The following IQCM variants were observed in gnomAD, a reference collection of about 807,000 sequenced individuals.
IQCM encodes the protein IQ motif containing M.
Under a neutral mutation model 57.6 loss-of-function variants are expected in IQCM, and 45 were observed. The ratio of observed to expected loss-of-function variants is 0.78; its 90% CI spans 0.62 to 1.00. The LOEUF is 1.00. Ranked by LOEUF, IQCM falls within the 50% of genes least tolerant of loss-of-function variation. IQCM has a pLI of 0.00. For synonymous variants in IQCM, 148 were observed against 158.9 expected (o/e 0.93, Z 0.51); for missense variants, 468 against 511.6 (o/e 0.91, Z 0.82).
intron 12 of IQCM, among the ~76,000 whole-genome samples, chr4:149,444,689 A>C (rs541311539): frequency 3.3e-5 from 5 of 151,982 alleles, no homozygotes; most frequent in African/African-American, 4.8e-5. Context: ...TGAAAAAAAA[A>C]CAGATTAGCA....
chr4:149,620,946 A>T (rs1756280090), intron 8 of IQCM, among the ~76,000 whole-genome samples, 183 bp downstream of exon 8: 2 of 152,186 alleles, frequency 1.3e-5, no homozygotes, highest in Admixed American at 1.3e-4. Flanking sequence ...GATCAGCAAG[A>T]TTTACACAAG....
chr4:149,648,896 A>AT (rs1758901106), intron 7 of IQCM, among the ~76,000 whole-genome samples: 2 of 152,126 alleles, frequency 1.3e-5, no homozygotes, highest in South Asian at 4.1e-4. Context: ...TTAAAGTATA[A>AT]TAAAAAAAAG....
chr4:149,371,230 C>T (rs760799806), intron 13 of IQCM, among the ~76,000 whole-genome samples: 2 of 152,066 alleles, frequency 1.3e-5, no homozygotes, highest in Non-Finnish European at 2.9e-5. Flanking sequence ...TGTAAGCAAA[C>T]GTGGGGCAAC....
chr4:149,669,925 T>C (rs1376461561), intron 7 of IQCM, among the ~76,000 whole-genome samples: 3 of 152,206 alleles, frequency 2.0e-5, no homozygotes, highest in Admixed American at 6.5e-5. Context: ...CCTCCAGCTT[T>C]GTTCTTTTGG....
chr4:149,489,393 C>T (rs962030856), intron 12 of IQCM, among the ~76,000 whole-genome samples: 2 of 151,982 alleles, frequency 1.3e-5, no homozygotes, highest in Non-Finnish European at 2.9e-5. Flanking sequence ...AGCTTGGGAG[C>T]TGTTAGGCTT....
chr4:149,740,401 G>C (rs1767347224), intron 3 of IQCM, among the ~76,000 whole-genome samples: 1 of 152,130 alleles, frequency 6.6e-6, no homozygotes, highest in Non-Finnish European at 1.5e-5. Flanking sequence ...AAGTGCTTAA[G>C]AGTCTAGTGC....
chr4:149,642,698 T>C (rs1249564874), intron 7 of IQCM, among the ~76,000 whole-genome samples: 1 of 152,186 alleles, frequency 6.6e-6, no homozygotes, highest in Non-Finnish European at 1.5e-5. Flanking sequence ...TCCAGTACAT[T>C]AAATTTGAGA....
At chr4:149,481,654 G>T (rs1740784387) in intron 12 of IQCM, among the ~76,000 whole-genome samples, 2 of 122,980 alleles carry the variant, frequency 1.6e-5, no homozygotes, top group Non-Finnish European at 3.4e-5. Context: ...GGTTACCATA[G>T]CTCTTTGGTA....
Position 149,544,337 on chromosome 4 carries a change from T to C in IQCM, c.1228+4118A>G, listed in dbSNP as rs190341922. 2.6e-4 allele frequency among the ~76,000 whole-genome samples: 39 copies of C among 152,226 alleles called. 1 individual carries two copies. The highest frequency in any genetic ancestry group is 2.4e-3 in the Admixed American group (37 of 15,272). ...AATCGCATCAAAGAAAATACAATAT[T>C]TAGTAATAAATTTAACCCAAGAGGT... is the stretch of plus-strand genomic sequence containing the variant. On this transcript the variant is annotated intron_variant, in intron 12 of 13. Coordinates refer to ENST00000636793, the MANE Select transcript of IQCM (RefSeq NM_001363507.2).
chr4:149,369,815 T>A (rs182421636), intron 13 of IQCM, among the ~76,000 whole-genome samples: 2 of 152,338 alleles, frequency 1.3e-5, no homozygotes, highest in East Asian at 3.9e-4. Flanking sequence ...CAACATTTAA[T>A]AGACAAACTT....
chr4:149,492,940 C>T (rs751190695), intron 12 of IQCM, among the ~76,000 whole-genome samples: 9 of 152,142 alleles, frequency 5.9e-5, no homozygotes, highest in Non-Finnish European at 1.2e-4. Flanking sequence ...CATCTGACCC[C>T]TGACTGCATG....
chr4:149,382,306 A>T (rs563272586), intron 13 of IQCM, among the ~76,000 whole-genome samples: 1 of 152,204 alleles, frequency 6.6e-6, no homozygotes, highest in African/African-American at 2.4e-5. Context: ...TGAATTATAC[A>T]AACTATTTGT....
intron 8 of IQCM, among the ~76,000 whole-genome samples, chr4:149,608,983 A>C (rs1260875176): frequency 6.6e-6 from 1 of 151,772 alleles, no homozygotes; most frequent in Non-Finnish European, 1.5e-5. Context: ...GGACAACAAA[A>C]TGAACAAAAG....
intron 7 of IQCM, among the ~76,000 whole-genome samples, chr4:149,638,857 G>A (rs1055431286): frequency 1.3e-5 from 2 of 152,142 alleles, no homozygotes; most frequent in Non-Finnish European, 2.9e-5. Flanking sequence ...AAAGCATCAC[G>A]TGGCTTTACC....
chr4:149,734,295 T>C (rs554241792), intron 4 of IQCM, among the ~76,000 whole-genome samples: 2 of 152,310 alleles, frequency 1.3e-5, no homozygotes, highest in Admixed American at 6.5e-5. Context: ...TGGACTGTTA[T>C]TATTAGATAA....
chr4:149,516,912 C>T (rs191261846), intron 12 of IQCM, among the ~76,000 whole-genome samples: 7 of 151,798 alleles, frequency 4.6e-5, no homozygotes, highest in Middle Eastern at 3.4e-3. Context: ...GTGATTGACC[C>T]GGAATATCAA....
At position 149,553,234 on chromosome 4, in the gene IQCM, T is replaced by G. The variant is rs1749206118; in HGVS notation, c.1002A>C (p.Leu334=). The G allele has an allele frequency of 8.1e-7, 1 of 1,231,832 alleles. No individual in the cohort carries two copies. The highest frequency in any genetic ancestry group is 1.6e-5 in the African/African-American group (1 of 64,426). 76.3% of individuals were successfully genotyped at this position (1,231,832 alleles called of 1,614,324 possible). A position where few individuals can be genotyped will look rare whatever the true frequency, so the allele number is the denominator to read the frequency against. Residue 334 remains leucine, a synonymous_variant, in exon 11 of 14, where the codon CTA becomes CTC. Transcript: ENST00000636793. ...CACGTCGATATCTAACACGGTGGAT[T>G]AGTCTGCCATACATGTTAATAACTG... The part of the protein sequence containing the change: ...MKAVINMYGR[L]IHRVRYRRGL...
At chr4:149,697,151 A>G (rs1463459158) in intron 5 of IQCM, among the ~76,000 whole-genome samples, 1 of 152,086 alleles carries the variant, frequency 6.6e-6, no homozygotes, top group Non-Finnish European at 1.5e-5. Context: ...AGGGCCATAC[A>G]TTATCTAACT....
intron 7 of IQCM, among the ~76,000 whole-genome samples, chr4:149,669,792 T>G (rs1423346793): frequency 6.6e-6 from 1 of 152,120 alleles, no homozygotes; most frequent in African/African-American, 2.4e-5. Flanking sequence ...GTTGTAGGTG[T>G]GTGGTATTAT....
Sources: gnomAD v4.1 joint callset for allele counts (sites outside exome capture counted in the v4.1 genomes callset) on GRCh38, gnomAD v4.1.1 for gene constraint, MANE v1.5 for transcripts, NCBI Gene and HGNC (gene_info 2026-07-23, HGNC 2026-07-21) for gene names.